The following PTPN14 variants were observed in gnomAD, a reference collection of about 807,000 sequenced individuals.
PTPN14 encodes tyrosine-protein phosphatase non-receptor type 14.
PTPN14 carries 53 observed loss-of-function variants against 126.8 expected under a neutral mutation model. The ratio of observed to expected loss-of-function variants is 0.42; its 90% CI spans 0.34 to 0.53. The LOEUF (loss-of-function observed/expected upper bound fraction) is 0.53. PTPN14 is among the 20% of genes least tolerant of loss of function. The pLI, the probability that PTPN14 is intolerant of heterozygous loss-of-function variation, is 0.08. For synonymous variants in PTPN14, 630 were observed against 599.3 expected (o/e 1.05, Z -0.75); for missense variants, 1,257 against 1,552.9 (o/e 0.81, Z 3.20).
At chr1:214,361,287 C>T (rs1020716381) in intron 18 of PTPN14, among the ~76,000 whole-genome samples, 3 of 152,146 alleles carry the variant, frequency 2.0e-5, no homozygotes, top group Non-Finnish European at 4.4e-5. Flanking sequence ...TTAGCTGTTA[C>T]GATATTATTT....
rs1657654536 is a variant in PTPN14 at position 214,349,021 on chromosome 1, T to C, written c.*8901A>G. On this transcript the variant is annotated 3_prime_UTR_variant, in exon 19 of 19. Transcript: ENST00000366956. ...GTTTTATTTTAGGCTTTTCATATTATTAAATTGATAGGGAGTCTATACCAA... is the reference window on the plus strand; with the variant it reads ...GTTTTATTTTAGGCTTTTCATATTACTAAATTGATAGGGAGTCTATACCAA... 1 of 152,226 alleles carries C rather than the reference T, an allele frequency of 6.6e-6. No homozygotes were observed. The highest frequency in any genetic ancestry group is 2.1e-4 in the South Asian group (1 of 4,836). 9.4% of individuals were successfully genotyped at this position (152,226 alleles called of 1,614,324 possible).
At chr1:214,392,280 T>C (rs1658774100) in intron 10 of PTPN14, among the ~76,000 whole-genome samples, 2 of 152,076 alleles carry the variant, frequency 1.3e-5, no homozygotes, top group Non-Finnish European at 2.9e-5. Context: ...CTCTTATACT[T>C]GGTTAGGAAG....
chr1:214,511,988 G>A (rs187204920), intron 1 of PTPN14, among the ~76,000 whole-genome samples: 13 of 151,902 alleles, frequency 8.6e-5, no homozygotes, highest in Non-Finnish European at 1.5e-4. Flanking sequence ...CTGCCTTCTC[G>A]ATGGTCTTAG....
Position 214,451,963 on chromosome 1 carries a change from A to G in PTPN14, c.186T>C (p.Phe62=). 1.2e-6 allele frequency: 2 copies of G among 1,613,952 alleles called. No homozygotes were observed. The change falls in exon 3 of 19, where the codon TTT becomes TTC. Residue 62 remains phenylalanine (F), a synonymous_variant. Transcript: ENST00000366956. ...GGCTCTTGCTGAGAAACCAAAGGCC[A>G]AAGTAGTGCGTCTAGATAAAAGGGT... is the stretch of plus-strand genomic sequence containing the variant. The part of the protein sequence containing the change: ...QRLELRETHY[F]GLWFLSKSQQ...
intron 3 of PTPN14, among the ~76,000 whole-genome samples, chr1:214,426,152 A>G (rs779388257): frequency 6.6e-6 from 1 of 152,128 alleles, no homozygotes; most frequent in Non-Finnish European, 1.5e-5. Context: ...TTAGAAATGA[A>G]TAATTTTCTT....
At chr1:214,538,532 T>C (rs185401532) in intron 1 of PTPN14, among the ~76,000 whole-genome samples, 1 of 152,326 alleles carries the variant, frequency 6.6e-6, no homozygotes, top group Admixed American at 6.5e-5. Flanking sequence ...CTGAGCAAAT[T>C]AGCTTGACAT....
At chr1:214,526,023 T>C (rs1655385074) in intron 1 of PTPN14, among the ~76,000 whole-genome samples, 1 of 150,414 alleles carries the variant, frequency 6.6e-6, no homozygotes, top group Non-Finnish European at 1.5e-5. Flanking sequence ...TGGAGTGCAG[T>C]GGCATGATTT....
intron 1 of PTPN14, 80 bp from the exon 2 acceptor site, chr1:214,465,037 C>T (rs915000967): frequency 1.4e-5 from 4 of 275,876 alleles, no homozygotes; most frequent in African/African-American, 9.7e-5. Context: ...ACACAGAAGC[C>T]CCCCCCCCCC....
At chr1:214,529,374 A>T (rs1655483132) in intron 1 of PTPN14, 1 of 152,304 alleles carries the variant, frequency 6.6e-6, no homozygotes, top group South Asian at 2.1e-4. Flanking sequence ...TAGATACCTG[A>T]CCAAAAGTAT....
intron 1 of PTPN14, among the ~76,000 whole-genome samples, chr1:214,476,046 T>C (rs1333344361): frequency 6.6e-6 from 1 of 152,162 alleles, no homozygotes; most frequent in African/African-American, 2.4e-5. Flanking sequence ...CAGCGGACAT[T>C]ACTCAGACAT....
intron 1 of PTPN14, among the ~76,000 whole-genome samples, chr1:214,485,151 G>T (rs1661083567): frequency 6.6e-6 from 1 of 152,220 alleles, no homozygotes; most frequent in Non-Finnish European, 1.5e-5. Flanking sequence ...TGGAGGAGAA[G>T]ATGGAGCATA....
chr1:214,518,169 GA>G (rs1357476569), intron 1 of PTPN14, among the ~76,000 whole-genome samples: 1 of 152,154 alleles, frequency 6.6e-6, no homozygotes. Flanking sequence ...TGGATGGGAT[GA>G]ATTTCTCTTC....
intron 13 of PTPN14, among the ~76,000 whole-genome samples, chr1:214,381,576 T>C (rs771131418): frequency 6.6e-6 from 1 of 152,244 alleles, no homozygotes; most frequent in African/African-American, 2.4e-5. Context: ...AGGTTGAGAA[T>C]GTTCTTAAGG....
intron 1 of PTPN14, among the ~76,000 whole-genome samples, chr1:214,502,058 C>CA (rs60034306): frequency 0.021 from 1,476 of 68,736 alleles, 9 homozygotes; most frequent in Non-Finnish European, 0.031. Flanking sequence ...GGCTCTGTCT[C>CA]AAAAAAAAAA....
intron 7 of PTPN14, among the ~76,000 whole-genome samples, chr1:214,399,517 A>G (rs2102561258): frequency 6.6e-6 from 1 of 152,306 alleles, no homozygotes; most frequent in Admixed American, 6.5e-5. Context: ...AGAGTTGAAT[A>G]TTCTTCAGGG....
intron 3 of PTPN14, among the ~76,000 whole-genome samples, chr1:214,442,835 CTCTT>C (rs1660064536): frequency 9.8e-6 from 1 of 101,768 alleles, no homozygotes; most frequent in East Asian, 2.8e-4. Flanking sequence ...TTTTTTTTTT[CTCTT>C]TGAGACGGAG....
intron 10 of PTPN14, among the ~76,000 whole-genome samples, chr1:214,393,177 T>A (rs1398805039): frequency 6.6e-5 from 10 of 152,210 alleles, no homozygotes; most frequent in Non-Finnish European, 1.5e-4. Flanking sequence ...GTGACACCTA[T>A]GAGTGTCTTC....
rs1033022825 is a variant in PTPN14, at chr1:214,356,174, G to A, written c.*1748C>T. 6.6e-6 allele frequency: 1 copy of A among 152,136 alleles called. No individual in the cohort carries two copies. The highest frequency in any genetic ancestry group is 2.4e-5 in the African/African-American group (1 of 41,392). 9.4% of individuals were successfully genotyped at this position (152,136 alleles called of 1,614,324 possible). A position where few individuals can be genotyped will look rare whatever the true frequency, so the allele number is the denominator to read the frequency against. On this transcript the variant is annotated 3_prime_UTR_variant, in exon 19 of 19. Transcript: ENST00000366956. ...GGGTTTCATCATGTTGCTCAGGCTG[G>A]TCTCGAACTCCTTAGCTCAAGCAAT...
intron 10 of PTPN14, among the ~76,000 whole-genome samples, chr1:214,392,596 G>C (rs1033239336): frequency 1.3e-5 from 2 of 152,120 alleles, no homozygotes; most frequent in Non-Finnish European, 2.9e-5. Context: ...GACCTATCAG[G>C]AACCTGCTCA....
Sources: gnomAD v4.1 joint callset for allele counts (sites outside exome capture counted in the v4.1 genomes callset) on GRCh38, gnomAD v4.1.1 for gene constraint, MANE v1.5 for transcripts, NCBI Gene and HGNC (gene_info 2026-07-23, HGNC 2026-07-21) for gene names.